Variants in SLC23A2 observed in about 807,000 individuals in gnomAD.
SLC23A2 encodes the protein solute carrier family 23 member 2.
Under a neutral mutation model 73.3 loss-of-function variants are expected in SLC23A2, and 36 were observed. That is an observed-to-expected ratio of 0.49 (90% CI 0.38 to 0.65). SLC23A2 has a LOEUF of 0.65. SLC23A2 is among the 30% of genes least tolerant of loss of function. SLC23A2 has a pLI of 0.00. For synonymous variants in SLC23A2, 343 were observed against 327.3 expected (o/e 1.05, Z -0.52); for missense variants, 507 against 841.6 (o/e 0.60, Z 4.92).
rs778974884 is a variant in SLC23A2, at chr20:4,899,751, C to G, written c.325-39G>C. On this transcript the variant is annotated intron_variant, in intron 5 of 16. Transcript: ENST00000338244. The surrounding 1 kb of genome is among the most constrained non-coding windows in gnomAD (Gnocchi z 4.9). ...AAGGGTCAGAGGAGAAACAGTAAACCCTTCCTCATTTATTCTTGATTTCAT... is the reference window on the plus strand; with the variant it reads ...AAGGGTCAGAGGAGAAACAGTAAACGCTTCCTCATTTATTCTTGATTTCAT... 6.3e-7 allele frequency: 1 copy of G among 1,591,756 alleles called. No individual in the cohort carries two copies. The highest frequency in any genetic ancestry group is 2.2e-5 in the East Asian group (1 of 44,552).
chr20:4,886,751 T>C (rs1392903035), intron 6 of SLC23A2, among the ~76,000 whole-genome samples: 11 of 152,214 alleles, frequency 7.2e-5, no homozygotes, highest in Non-Finnish European at 1.2e-4. Flanking sequence ...ATTTTTAATA[T>C]AATTTTGAGG....
chr20:4,997,295 T>C (rs999629345), intron 1 of SLC23A2, among the ~76,000 whole-genome samples: 3 of 152,118 alleles, frequency 2.0e-5, no homozygotes, highest in African/African-American at 7.2e-5. Flanking sequence ...AGCCTTACAG[T>C]GGTCCGCATG....
intron 6 of SLC23A2, among the ~76,000 whole-genome samples, chr20:4,896,833 T>C (rs901361836): frequency 5.3e-5 from 8 of 152,236 alleles, no homozygotes; most frequent in Admixed American, 3.9e-4. Flanking sequence ...GAATGCTCCC[T>C]GTGCCTGTTG....
intron 1 of SLC23A2, among the ~76,000 whole-genome samples, chr20:5,000,112 A>C (rs2088092734): frequency 6.6e-6 from 1 of 152,160 alleles, no homozygotes; most frequent in Non-Finnish European, 1.5e-5. Context: ...ATACGTTCAT[A>C]AGTGACCCTG....
Position 4,933,562 on chromosome 20 carries a change from G to C in SLC23A2, c.-154-846C>G, listed in dbSNP as rs142648981. Among the ~76,000 whole-genome samples, 1,354 of 152,172 alleles carry C rather than the reference G, an allele frequency of 8.9e-3. 22 individuals carry two copies. Among genetic ancestry groups the C allele is most frequent in the African/African-American group, 0.031 (1,288 of 41,488 alleles). Reference sequence around the variant, plus strand: ...GAGAATCACTTGAACCTGGAAGGCGGAGGTTGCAGTGAGCCAAGATCGCAT... The same window carrying C: ...GAGAATCACTTGAACCTGGAAGGCGCAGGTTGCAGTGAGCCAAGATCGCAT... On this transcript the variant is annotated intron_variant, in intron 2 of 16. Coordinates refer to ENST00000338244, the MANE Select transcript of SLC23A2 (RefSeq NM_005116.6).
intron 3 of SLC23A2, among the ~76,000 whole-genome samples, chr20:4,925,761 T>A (rs1228535293): frequency 6.6e-6 from 1 of 152,194 alleles, no homozygotes; most frequent in Non-Finnish European, 1.5e-5. Flanking sequence ...GACACTGCCA[T>A]GCACACCCTC....
In SLC23A2 at chr20:4,874,739, T is replaced by C. The variant is rs775071897; in HGVS notation, c.825-43A>G. ...ACAAACTAGGTCAAAAGCTGTTATG[T>C]CTCTGTTATAAAATAACACTCGAAG... On this transcript the variant is annotated intron_variant, in intron 9 of 16. Transcript: ENST00000338244. 19 of 1,514,472 alleles carry C rather than the reference T, an allele frequency of 1.3e-5. No homozygotes were observed. In the Admixed American group the frequency reaches 4.0e-4, roughly 32 times the overall value. The allele number at this position is 1,514,472 out of a possible 1,614,324, so 93.8% of individuals were successfully genotyped here.
At chr20:4,880,353 CG>C (rs1451232095) in intron 9 of SLC23A2, among the ~76,000 whole-genome samples, 1 of 152,086 alleles carries the variant, frequency 6.6e-6, no homozygotes, top group Non-Finnish European at 1.5e-5. Flanking sequence ...ATGGGTTTAC[CG>C]GGCTTCCTGA....
chr20:4,989,901 C>T (rs750714991), intron 1 of SLC23A2, among the ~76,000 whole-genome samples: 11 of 152,116 alleles, frequency 7.2e-5, no homozygotes, highest in Admixed American at 3.3e-4. Context: ...ATAGCAGACA[C>T]GGTGCTATTA....
chr20:4,870,560 G>A (rs1930405361), intron 11 of SLC23A2, among the ~76,000 whole-genome samples: 1 of 151,168 alleles, frequency 6.6e-6, no homozygotes, highest in South Asian at 2.1e-4. Flanking sequence ...CTGGGTGATA[G>A]AGCGAGACTC....
chr20:4,860,911 G>A (rs894721598), intron 15 of SLC23A2, among the ~76,000 whole-genome samples: 1 of 152,112 alleles, frequency 6.6e-6, no homozygotes, highest in African/African-American at 2.4e-5. Context: ...TGTGGTGGTG[G>A]GTGCCTATTA....
In SLC23A2 at chr20:4,884,776, T is replaced by G. The variant is rs879273161; in HGVS notation, c.619A>C (p.Ile207Leu). 21 of 1,600,004 alleles carry G rather than the reference T, an allele frequency of 1.3e-5. No individual in the cohort carries two copies. The highest frequency in any genetic ancestry group is 1.7e-5 in the Non-Finnish European group (20 of 1,175,912). The change falls in exon 8 of 17, where the codon ATC becomes CTC. Residue 207 changes from isoleucine (I) to leucine (L), a missense_variant. By Grantham distance (5) the Ile-to-Leu change is conservative. Transcript: ENST00000338244. ...GTAELLHTEH[I>L]WYPRIREIQG... is the part of the protein sequence containing the mutation. ...ACCTCTCGGATCCGGGGATACCAGATGTGTTCTGTGTGCAACAGCTCTGCT... is the reference window on the plus strand; with the variant it reads ...ACCTCTCGGATCCGGGGATACCAGAGGTGTTCTGTGTGCAACAGCTCTGCT...
intron 16 of SLC23A2, among the ~76,000 whole-genome samples, chr20:4,859,017 C>G (rs1218437996): frequency 6.6e-6 from 1 of 152,194 alleles, no homozygotes; most frequent in Admixed American, 6.5e-5. Context: ...TGTGCCCATC[C>G]CACTGCCATC....
At chr20:4,871,997 T>C (rs1473249789) in intron 11 of SLC23A2, among the ~76,000 whole-genome samples, 1 of 151,600 alleles carries the variant, frequency 6.6e-6, no homozygotes, top group Non-Finnish European at 1.5e-5. Context: ...TATATCTATA[T>C]CTATATTTTT....
intron 1 of SLC23A2, among the ~76,000 whole-genome samples, chr20:4,974,179 A>G (rs1191363381): frequency 6.6e-6 from 1 of 152,184 alleles, no homozygotes; most frequent in Non-Finnish European, 1.5e-5. Flanking sequence ...TGATTTAAAA[A>G]GCAAAAACCA....
chr20:4,870,671 A>G (rs753994271), intron 11 of SLC23A2, among the ~76,000 whole-genome samples: 3 of 152,156 alleles, frequency 2.0e-5, no homozygotes, highest in Non-Finnish European at 4.4e-5. Context: ...AGTATCCACT[A>G]AATAACAACT....
At chr20:5,001,978 G>A (rs146298599), upstream of SLC23A2, among the ~76,000 whole-genome samples, 20 of 152,142 alleles carry the variant, frequency 1.3e-4, no homozygotes, top group Non-Finnish European at 1.3e-4. Flanking sequence ...CCTAACTGGA[G>A]AAGAAGTCCT....
intron 5 of SLC23A2, among the ~76,000 whole-genome samples, chr20:4,900,296 G>A (rs1931699037): frequency 6.6e-6 from 1 of 152,194 alleles, no homozygotes; most frequent in South Asian, 2.1e-4. Context: ...TTTTACTTAT[G>A]TAATTCTTAT....
At chr20:4,949,612 G>GAGA (rs980434021) in intron 2 of SLC23A2, among the ~76,000 whole-genome samples, 4 of 151,948 alleles carry the variant, frequency 2.6e-5, no homozygotes, top group African/African-American at 9.7e-5. Flanking sequence ...GTGCAAAACT[G>GAGA]AGAACTTCTC....
Sources: allele counts gnomAD v4.1 joint callset (sites outside exome capture counted in the v4.1 genomes callset), GRCh38; gene constraint gnomAD v4.1.1; non-coding constraint Gnocchi (gnomAD v3.1); transcripts MANE v1.5; gene names NCBI Gene and HGNC (gene_info 2026-07-23, HGNC 2026-07-21).